The following WWC2 variants were observed in gnomAD, a reference collection of about 807,000 sequenced individuals.
WWC2 encodes protein WWC2.
Under a neutral mutation model 138.5 loss-of-function variants are expected in WWC2, and 101 were observed. The ratio of observed to expected loss-of-function variants is 0.73; its 90% CI spans 0.62 to 0.86. The LOEUF (loss-of-function observed/expected upper bound fraction) is 0.86, where lower values mean the gene tolerates loss of function less well. Among genes scored for constraint, WWC2 ranks in the 40% least tolerant of loss-of-function variants. The pLI is 0.00. For synonymous variants in WWC2, 558 were observed against 538.4 expected (o/e 1.04, Z -0.50); for missense variants, 1,420 against 1,419.4 (o/e 1.00, Z -0.01).
chr4:183,186,111 C>A (rs995108887), intron 1 of WWC2, among the ~76,000 whole-genome samples: 1 of 151,986 alleles, frequency 6.6e-6, no homozygotes, highest in Non-Finnish European at 1.5e-5. Flanking sequence ...CCACTCCCAG[C>A]TAATTTTTTG....
chr4:183,309,741 C>T (rs777312579), intron 21 of WWC2, among the ~76,000 whole-genome samples: 2 of 152,152 alleles, frequency 1.3e-5, no homozygotes, highest in Admixed American at 6.6e-5. Flanking sequence ...TGAAAATTTA[C>T]GTACACATGA....
intron 1 of WWC2, among the ~76,000 whole-genome samples, chr4:183,162,292 T>C (rs1383099786): frequency 6.6e-6 from 1 of 152,224 alleles, no homozygotes; most frequent in African/African-American, 2.4e-5. Flanking sequence ...CATTTGCCTA[T>C]ACACTTATAG....
At position 183,271,180 on chromosome 4, in the gene WWC2, A is replaced by G; in HGVS notation, c.2501A>G (p.Asn834Ser). ...LPSKQMPCKK[N>S]EENEDSVFQP... The stretch of plus-strand genomic sequence containing the variant: ...TCCAAGCAAATGCCTTGCAAAAAGA[A>G]TGAAGAAAATGAGGACTCTGTATTT... The change falls in exon 16 of 23, where the codon AAT (asparagine) becomes AGT (serine). Residue 834 changes from asparagine (N) to serine (S), a missense_variant. Coordinates refer to ENST00000403733, the MANE Select transcript of WWC2 (RefSeq NM_024949.6). 1 of 1,613,360 alleles carries G rather than the reference A, an allele frequency of 6.2e-7. No homozygotes were observed. Among genetic ancestry groups the G allele is most frequent in the South Asian group, 1.1e-5 (1 of 90,972 alleles).
At chr4:183,153,800 C>T (rs1733714964) in intron 1 of WWC2, among the ~76,000 whole-genome samples, 1 of 151,530 alleles carries the variant, frequency 6.6e-6, no homozygotes. Flanking sequence ...TGTGTGCCAT[C>T]ACGCCCAGCT....
chr4:183,239,922 G>A (rs1736562734), intron 4 of WWC2, among the ~76,000 whole-genome samples: 1 of 152,186 alleles, frequency 6.6e-6, no homozygotes, highest in South Asian at 2.1e-4. Flanking sequence ...TGGAGACAAT[G>A]ATGATGTCCA....
Position 183,250,221 on chromosome 4 carries a change from A to C in WWC2, c.953+228A>C, listed in dbSNP as rs184331665. On this transcript the variant is annotated intron_variant, in intron 8 of 22. Transcript: ENST00000403733. ...AGAACAGGGAGAATTAGTGAGAAGT[A>C]TACAAATGAACTTGCCCCCTTCTCC... Among the ~76,000 whole-genome samples the C allele has an allele frequency of 4.2e-4, 62 of 147,590 alleles. 1 individual carries two copies. The East Asian group carries it at 1.0e-2, about 24-fold the overall frequency.
intron 19 of WWC2, among the ~76,000 whole-genome samples, chr4:183,285,588 C>T (rs373475397): frequency 3.1e-4 from 47 of 152,148 alleles, no homozygotes; most frequent in Non-Finnish European, 6.6e-4. Context: ...TGGTGAAACC[C>T]CATCCTACTA....
At chr4:183,186,669 A>G (rs1419439692) in intron 1 of WWC2, among the ~76,000 whole-genome samples, 1 of 152,112 alleles carries the variant, frequency 6.6e-6, no homozygotes, top group Non-Finnish European at 1.5e-5. Flanking sequence ...AGGGCAGGAG[A>G]CTGGCAGGCT....
At chr4:183,170,455 G>A (rs961587126) in intron 1 of WWC2, among the ~76,000 whole-genome samples, 3 of 152,200 alleles carry the variant, frequency 2.0e-5, no homozygotes, top group Non-Finnish European at 2.9e-5. Flanking sequence ...TGTGGGGTAC[G>A]TGGACGGTGG....
chr4:183,124,682 C>T (rs1371857076), intron 1 of WWC2, among the ~76,000 whole-genome samples: 1 of 151,682 alleles, frequency 6.6e-6, no homozygotes, highest in East Asian at 2.0e-4. Context: ...CTCCGCCTCC[C>T]GGATTCAAGC....
chr4:183,286,097 C>T (rs915495967), intron 20 of WWC2, 38 bp downstream of exon 20: 2 of 1,529,670 alleles, frequency 1.3e-6, no homozygotes, highest in African/African-American at 1.4e-5. Flanking sequence ...TGTCCCTGGA[C>T]CAGTCCAGAA....
At chr4:183,261,591 G>A (rs1046744408) in intron 11 of WWC2, 59 bp downstream of exon 11, 7 of 1,497,896 alleles carry the variant, frequency 4.7e-6, no homozygotes, top group African/African-American at 2.8e-5. Flanking sequence ...GAGAATGATT[G>A]GAGCATTATT....
chr4:183,227,276 A>G (rs1736102228), intron 4 of WWC2, among the ~76,000 whole-genome samples: 1 of 152,078 alleles, frequency 6.6e-6, no homozygotes, highest in Admixed American at 6.5e-5. Context: ...GAAAAAGCCC[A>G]AGCTAAACAC....
intron 5 of WWC2, among the ~76,000 whole-genome samples, chr4:183,242,516 C>T: frequency 6.6e-6 from 1 of 152,190 alleles, no homozygotes; most frequent in East Asian, 1.9e-4. Context: ...GCCTAAGCAG[C>T]AGTGTAGTAT....
intron 21 of WWC2, among the ~76,000 whole-genome samples, chr4:183,303,523 G>A (rs1738926672): frequency 6.6e-6 from 1 of 152,174 alleles, no homozygotes; most frequent in African/African-American, 2.4e-5. Flanking sequence ...TTTACCCCAT[G>A]ACGACAGTCC....
chr4:183,261,151 G>A lies in WWC2; in HGVS notation c.1528G>A (p.Val510Met). The change falls in exon 11 of 23, where the codon GTG becomes ATG. Residue 510 changes from valine to methionine, a missense_variant. Physicochemically the swap from Val to Met is conservative, Grantham distance 21 (BLOSUM62 1). Coordinates refer to ENST00000403733, the MANE Select transcript of WWC2 (RefSeq NM_024949.6). The part of the protein sequence containing the change: ...GPITTIHENE[V>M]VKSPSQPGQS... ...CATCACCACCATCCATGAAAACGAG[G>A]TGGTCAAGTCCCCTAGCCAGCCTGG... 1 of 1,613,926 alleles carries A rather than the reference G, an allele frequency of 6.2e-7. No individual in the cohort carries two copies.
At chr4:183,305,536 G>A (rs2111109081) in intron 21 of WWC2, among the ~76,000 whole-genome samples, 1 of 152,172 alleles carries the variant, frequency 6.6e-6, no homozygotes, top group East Asian at 1.9e-4. Context: ...CTTCCTTACA[G>A]GAGAACAAAG....
intron 4 of WWC2, among the ~76,000 whole-genome samples, chr4:183,221,336 A>C (rs1735930310): frequency 6.6e-6 from 1 of 152,244 alleles, no homozygotes; most frequent in Admixed American, 6.5e-5. Context: ...ACAAATCTCT[A>C]ATTATAGTTG....
chr4:183,236,821 T>C (rs577943190), intron 4 of WWC2, among the ~76,000 whole-genome samples: 25 of 152,338 alleles, frequency 1.6e-4, no homozygotes, highest in Non-Finnish European at 2.5e-4. Context: ...AGGGATTGCA[T>C]TGAATCTGTA....
Sources: allele counts gnomAD v4.1 joint callset (sites outside exome capture counted in the v4.1 genomes callset), GRCh38; gene constraint gnomAD v4.1.1; transcripts MANE v1.5; gene names NCBI Gene and HGNC (gene_info 2026-07-23, HGNC 2026-07-21).